The following DOCK5 variants were observed in gnomAD, a reference collection of about 807,000 sequenced individuals.
DOCK5 encodes dedicator of cytokinesis 5.
DOCK5 carries 142 observed loss-of-function variants against 251.8 expected under a neutral mutation model. That is an observed-to-expected ratio of 0.56 (90% CI 0.49 to 0.65). The LOEUF is 0.65. Ranked by LOEUF, DOCK5 falls within the 30% of genes least tolerant of loss-of-function variation. The pLI is 0.00. For synonymous variants in DOCK5, 842 were observed against 835.5 expected (o/e 1.01, Z -0.13); for missense variants, 2,111 against 2,312.3 (o/e 0.91, Z 1.79).
chr8:25,200,307 T>C (rs751504713), intron 1 of DOCK5, among the ~76,000 whole-genome samples: 3 of 152,340 alleles, frequency 2.0e-5, no homozygotes, highest in Non-Finnish European at 4.4e-5. Flanking sequence ...GAATAATACA[T>C]GGACAAGGTT....
chr8:25,299,326 A>C (rs191058667), intron 8 of DOCK5: 1 of 484,892 alleles, frequency 2.1e-6, no homozygotes, highest in Admixed American at 3.8e-5. Context: ...GAGATCACAT[A>C]AAACTCATTA....
At chr8:25,194,014 G>GGT (rs1203896942) in intron 1 of DOCK5, among the ~76,000 whole-genome samples, 3 of 152,000 alleles carry the variant, frequency 2.0e-5, no homozygotes, top group African/African-American at 4.8e-5. Context: ...AGCCGGGCAT[G>GGT]GTGGCTCACA....
intron 2 of DOCK5, among the ~76,000 whole-genome samples, chr8:25,248,062 G>A (rs1803164479): frequency 6.6e-6 from 1 of 152,206 alleles, no homozygotes; most frequent in Admixed American, 6.5e-5. Flanking sequence ...GAGAACACTT[G>A]AGCCTGCACC....
intron 9 of DOCK5, among the ~76,000 whole-genome samples, chr8:25,301,188 C>T (rs1804751034): frequency 2.6e-5 from 4 of 152,146 alleles, no homozygotes; most frequent in South Asian, 2.1e-4. Context: ...ATATAGAGTT[C>T]GGTACTGTCT....
At position 25,372,464 on chromosome 8, in the gene DOCK5, C is replaced by G. The variant is rs1408673326; in HGVS notation, c.3525-95C>G. 6.9e-6 allele frequency: 9 copies of G among 1,308,100 alleles called. No homozygotes were observed. The African/African-American group carries it at 7.7e-5, about 11-fold the overall frequency. 81.0% of individuals were successfully genotyped at this position (1,308,100 alleles called of 1,614,324 possible). ...TGACGTTCTGTGTCATCAAATCCTG[C>G]CCCAGCCACTGCTGAGACCCTGGTC... On this transcript the variant is annotated intron_variant, in intron 34 of 51. Coordinates refer to ENST00000276440, the MANE Select transcript of DOCK5 (RefSeq NM_024940.8).
At chr8:25,329,902 C>CAA in intron 18 of DOCK5, among the ~76,000 whole-genome samples, 1 of 152,176 alleles carries the variant, frequency 6.6e-6, no homozygotes. Context: ...AAGCATGGGG[C>CAA]TCTTTCTGTA....
At chr8:25,328,488 A>C (rs367560750) in intron 18 of DOCK5, among the ~76,000 whole-genome samples, 17 of 152,318 alleles carry the variant, frequency 1.1e-4, no homozygotes, top group South Asian at 2.1e-4. Flanking sequence ...ATTATAAAGA[A>C]TGAATTTGAT....
intron 18 of DOCK5, among the ~76,000 whole-genome samples, chr8:25,331,150 G>A (rs567558455): frequency 1.3e-5 from 2 of 151,908 alleles, no homozygotes; most frequent in African/African-American, 2.4e-5. Context: ...ACTAGATAGT[G>A]CTCTGAATAG....
chr8:25,347,427 ACATT>A (rs1800389737), intron 26 of DOCK5, among the ~76,000 whole-genome samples: 1 of 152,216 alleles, frequency 6.6e-6, no homozygotes, highest in South Asian at 2.1e-4. Flanking sequence ...TATAGAAACC[ACATT>A]ATAAAATGGA....
intron 36 of DOCK5, 129 bp from the exon 37 acceptor site, chr8:25,374,435 C>A: frequency 1.2e-6 from 1 of 855,472 alleles, no homozygotes; most frequent in Non-Finnish European, 1.8e-6. Flanking sequence ...CTTAAGGCTG[C>A]AGTGAGCCAT....
At chr8:25,324,935 T>G (rs1805524487) in intron 17 of DOCK5, among the ~76,000 whole-genome samples, 1 of 151,880 alleles carries the variant, frequency 6.6e-6, no homozygotes, top group Admixed American at 6.6e-5. Flanking sequence ...CTGAGAATGA[T>G]GGTTTCCAGC....
intron 2 of DOCK5, among the ~76,000 whole-genome samples, chr8:25,258,348 T>C (rs1241990606): frequency 1.3e-5 from 2 of 152,078 alleles, no homozygotes; most frequent in African/African-American, 4.8e-5. Context: ...CTACAGATGT[T>C]ATGGGGTAAC....
chr8:25,410,939 A>AATGTGTGTG (rs1554513012), intron 51 of DOCK5, among the ~76,000 whole-genome samples: 7,374 of 99,488 alleles, frequency 0.074, 306 homozygotes, highest in Non-Finnish European at 0.094. Flanking sequence ...GAGAGAGAAA[A>AATGTGTGTG]TGTGTGTGTG....
At chr8:25,191,536 A>T (rs1801582023) in intron 1 of DOCK5, among the ~76,000 whole-genome samples, 1 of 152,186 alleles carries the variant, frequency 6.6e-6, no homozygotes, top group African/African-American at 2.4e-5. Flanking sequence ...GTTGTGATAG[A>T]TGTCACCCAC....
intron 1 of DOCK5, among the ~76,000 whole-genome samples, chr8:25,229,299 T>C (rs1802610626): frequency 6.6e-6 from 1 of 152,048 alleles, no homozygotes; most frequent in South Asian, 2.1e-4. Context: ...CTGACCAACA[T>C]AGTGAAACCC....
chr8:25,341,439 T>C (rs760191321), intron 23 of DOCK5, among the ~76,000 whole-genome samples: 29 of 152,200 alleles, frequency 1.9e-4, no homozygotes, highest in Non-Finnish European at 3.8e-4. Context: ...TTGCTCTTTA[T>C]GGCCATGTTG....
chr8:25,373,602 T>TG lies in DOCK5; in HGVS notation c.3685-16_3685-15insG. 6.8e-7 allele frequency: 1 copy of TG among 1,464,870 alleles called. No homozygotes were observed. The highest frequency in any genetic ancestry group is 9.1e-7 in the Non-Finnish European group (1 of 1,104,448). The allele number at this position is 1,464,870 out of a possible 1,614,324, so 90.7% of individuals were successfully genotyped here. On this transcript the variant is annotated splice_polypyrimidine_tract_variant and intron_variant, in intron 35 of 51. Transcript: ENST00000276440. ...GATTTATGTTGGGATTCTGTGATCC[T>TG]TTTTTTTCCTGGCAGAACTTTTATA...
chr8:25,399,234 G>A (rs1453024439), intron 45 of DOCK5, among the ~76,000 whole-genome samples: 2 of 152,176 alleles, frequency 1.3e-5, no homozygotes, highest in African/African-American at 2.4e-5. Context: ...TGGAATTTAA[G>A]TTTGGGTTTT....
intron 48 of DOCK5, among the ~76,000 whole-genome samples, chr8:25,405,043 A>T (rs1801499757): frequency 6.6e-6 from 1 of 152,088 alleles, no homozygotes. Flanking sequence ...CCTGTGGTCA[A>T]ATACTTTTTT....
Sources: gnomAD v4.1 joint callset for allele counts (sites outside exome capture counted in the v4.1 genomes callset) on GRCh38, gnomAD v4.1.1 for gene constraint, MANE v1.5 for transcripts, NCBI Gene and HGNC (gene_info 2026-07-23, HGNC 2026-07-21) for gene names.